UBE2Q2: variants seen among roughly 807,000 people sequenced by gnomAD.
The protein encoded by UBE2Q2 is ubiquitin conjugating enzyme E2 Q2.
In UBE2Q2, 54 loss-of-function variants were observed where a neutral mutation model predicts 59.9. The ratio of observed to expected loss-of-function variants is 0.90; its 90% CI spans 0.72 to 1.13. The LOEUF is 1.13. Among genes scored for constraint, UBE2Q2 ranks in the 50% most tolerant of loss-of-function variants. The pLI is 0.00. For synonymous variants in UBE2Q2, 165 were observed against 155.2 expected, an observed-to-expected ratio of 1.06 and a Z score of -0.47; for missense variants, 433 against 441.9, an observed-to-expected ratio of 0.98 and a Z score of 0.18.
At chr15:75,847,878 A>G (rs1465607095) in intron 1 of UBE2Q2, among the ~76,000 whole-genome samples, 1 of 152,088 alleles carries the variant, frequency 6.6e-6, no homozygotes, top group Non-Finnish European at 1.5e-5. Flanking sequence ...ATAAATGATT[A>G]CCCTTTCTGC....
intron 3 of UBE2Q2, among the ~76,000 whole-genome samples, chr15:75,861,401 CTT>C (rs1457076559): frequency 6.6e-6 from 1 of 152,144 alleles, no homozygotes; most frequent in Non-Finnish European, 1.5e-5. Flanking sequence ...AGGAGTTTGT[CTT>C]TTCCTTGGTG....
rs148306202 is a variant in UBE2Q2, at chr15:75,856,209, G to A, written c.282+1722G>A. Among the ~76,000 whole-genome samples, 1,435 of 150,526 alleles carry A rather than the reference G, an allele frequency of 9.5e-3. 22 individuals carry two copies. Among genetic ancestry groups the A allele is most frequent in the African/African-American group, 0.032 (1,287 of 40,806 alleles). ...CTCAAAAAAAAATGTATATATATAT[G>A]TGTGTGTTTATACATGTATGTGTAT... On this transcript the variant is annotated intron_variant, in intron 2 of 12. Transcript: ENST00000267938.
At chr15:75,843,897 G>T in intron 1 of UBE2Q2, 51 bp downstream of exon 1, 2 of 1,495,540 alleles carry the variant, frequency 1.3e-6, no homozygotes. Context: ...CGGAGAGGGG[G>T]CGCTTCGAGT....
intron 5 of UBE2Q2, among the ~76,000 whole-genome samples, chr15:75,875,359 A>G (rs1213203360): frequency 6.6e-6 from 1 of 152,196 alleles, no homozygotes; most frequent in East Asian, 1.9e-4. Context: ...ACCAAAAAAT[A>G]GTTCCGTTTG....
chr15:75,860,559 C>T (rs1367147987), intron 3 of UBE2Q2, among the ~76,000 whole-genome samples: 1 of 152,086 alleles, frequency 6.6e-6, no homozygotes, highest in African/African-American at 2.4e-5. Flanking sequence ...CACTAATTAT[C>T]ATTAGGACTT....
At chr15:75,875,818 T>A (rs1898043412) in intron 5 of UBE2Q2, among the ~76,000 whole-genome samples, 1 of 152,042 alleles carries the variant, frequency 6.6e-6, no homozygotes. Context: ...TCCCAGCACT[T>A]TGGGAGGCCG....
At chr15:75,894,431 A>G (rs1412456936) in intron 11 of UBE2Q2, among the ~76,000 whole-genome samples, 1 of 152,070 alleles carries the variant, frequency 6.6e-6, no homozygotes, top group Non-Finnish European at 1.5e-5. Flanking sequence ...ACAAAACATG[A>G]AAATTAGCTG....
chr15:75,845,535 GAGACTGAAT>G (rs1356971516), intron 1 of UBE2Q2, among the ~76,000 whole-genome samples: 1 of 152,180 alleles, frequency 6.6e-6, no homozygotes, highest in Non-Finnish European at 1.5e-5. Context: ...TGAATGATAG[GAGACTGAAT>G]TTGTAGGCTG....
chr15:75,893,577 G>T (rs776956838), intron 11 of UBE2Q2, among the ~76,000 whole-genome samples: 4 of 152,094 alleles, frequency 2.6e-5, no homozygotes. Flanking sequence ...CAGTGAACAG[G>T]CATGGTATAA....
chr15:75,843,708 G>A lies in UBE2Q2; in HGVS notation c.42G>A (p.Ala14=). ...SGLKAELKFL[A]SIFDKNHERF... is the part of the protein sequence containing the mutation. ...TCAAGGCCGAGCTGAAGTTCCTGGC[G>A]TCCATCTTCGACAAGAACCACGAGC... The change falls in exon 1 of 13, where the codon GCG becomes GCA. Residue 14 remains alanine, a synonymous_variant. Coordinates refer to ENST00000267938, the MANE Select transcript of UBE2Q2 (RefSeq NM_173469.4). 6.2e-7 allele frequency: 1 copy of A among 1,611,236 alleles called. No homozygotes were observed. Among genetic ancestry groups the A allele is most frequent in the Non-Finnish European group, 8.5e-7 (1 of 1,178,902 alleles).
chr15:75,843,930 C>A, intron 1 of UBE2Q2, 84 bp downstream of exon 1: 1 of 1,430,724 alleles, frequency 7.0e-7, no homozygotes, highest in Non-Finnish European at 9.1e-7. Context: ...GGGAGCCTGC[C>A]CCGGAGAGGC....
At chr15:75,861,106 C>T (rs1897187153) in intron 3 of UBE2Q2, among the ~76,000 whole-genome samples, 1 of 152,168 alleles carries the variant, frequency 6.6e-6, no homozygotes, top group Non-Finnish European at 1.5e-5. Context: ...ATATTAGTAC[C>T]TATGTTTTGG....
At chr15:75,865,987 A>G (rs957842930) in intron 3 of UBE2Q2, among the ~76,000 whole-genome samples, 5 of 152,168 alleles carry the variant, frequency 3.3e-5, no homozygotes, top group African/African-American at 1.2e-4. Context: ...GGAGCTAGAT[A>G]TAGAATTCTA....
intron 2 of UBE2Q2, among the ~76,000 whole-genome samples, chr15:75,857,397 T>C (rs1282123774): frequency 6.6e-6 from 1 of 152,220 alleles, no homozygotes; most frequent in Non-Finnish European, 1.5e-5. Flanking sequence ...AAATTGGGCC[T>C]AGTTTTTTAA....
At chr15:75,890,400 CGA>C in intron 9 of UBE2Q2, 33 bp from the exon 10 acceptor site, 1 of 1,554,144 alleles carries the variant, frequency 6.4e-7, no homozygotes, top group Non-Finnish European at 8.7e-7. Flanking sequence ...GAATAATTCT[CGA>C]GAATTTTGTA....
At chr15:75,850,893 A>T (rs756490854) in intron 1 of UBE2Q2, among the ~76,000 whole-genome samples, 1 of 152,232 alleles carries the variant, frequency 6.6e-6, no homozygotes, top group Non-Finnish European at 1.5e-5. Flanking sequence ...AAAACTCATC[A>T]CATATTATTA....
chr15:75,844,111 A>G (rs944476156), intron 1 of UBE2Q2: 4 of 1,413,754 alleles, frequency 2.8e-6, no homozygotes, highest in Admixed American at 5.9e-5. Context: ...CCCGTCTCCT[A>G]GCCCCGAGGG....
intron 9 of UBE2Q2, among the ~76,000 whole-genome samples, chr15:75,885,742 T>C (rs1004616833): frequency 3.9e-5 from 6 of 152,216 alleles, no homozygotes; most frequent in African/African-American, 7.2e-5. Flanking sequence ...ATCACAAATA[T>C]ACTATCACAG....
chr15:75,890,576 T>G, intron 10 of UBE2Q2, 93 bp downstream of exon 10: 16 of 1,072,514 alleles, frequency 1.5e-5, no homozygotes, highest in Non-Finnish European at 2.1e-5. Context: ...TAATAGCTCC[T>G]ACTCTTAAAT....
Sources: gnomAD v4.1 joint callset for allele counts (sites outside exome capture counted in the v4.1 genomes callset) on GRCh38, gnomAD v4.1.1 for gene constraint, MANE v1.5 for transcripts, NCBI Gene and HGNC (gene_info 2026-07-23, HGNC 2026-07-21) for gene names.